The following ZNF682 variants were observed in gnomAD, a reference collection of about 807,000 sequenced individuals.
The protein encoded by ZNF682 is zinc finger protein 682.
In ZNF682, 29 loss-of-function variants were observed where a neutral mutation model predicts 36.5. That is an observed-to-expected ratio of 0.80 (90% confidence interval 0.59 to 1.08). The LOEUF (loss-of-function observed/expected upper bound fraction) is 1.08, where lower values mean the gene tolerates loss of function less well. Ranked by LOEUF, ZNF682 falls within the 50% of genes least tolerant of loss-of-function variation. ZNF682 has a pLI of 0.00. For missense variants in ZNF682, 561 were observed against 579.7 expected (o/e 0.97, Z 0.33); for synonymous variants, 180 against 197.0 (o/e 0.91, Z 0.72).
chr19:20,005,786 A>T lies in ZNF682; in HGVS notation c.*219T>A. ...GATGAGTAAGTTCATAGTAGTTATT[A>T]AATGCTTTGCCACATTCTTTAAAAT... On this transcript the variant is annotated 3_prime_UTR_variant, in exon 4 of 4. Transcript: ENST00000397165. 1.9e-6 allele frequency: 1 copy of T among 522,620 alleles called. No homozygotes were observed. The highest frequency in any genetic ancestry group is 3.1e-6 in the Non-Finnish European group (1 of 318,056). 32.4% of individuals were successfully genotyped at this position (522,620 alleles called of 1,614,324 possible).
intron 3 of ZNF682, among the ~76,000 whole-genome samples, chr19:19,998,672 CAT>C (rs1296995678): frequency 3.9e-5 from 6 of 152,110 alleles, no homozygotes; most frequent in African/African-American, 1.2e-4. Flanking sequence ...TAAACTCACT[CAT>C]GTGGAAATTG....
At chr19:20,031,664 C>T (rs567700914) in intron 1 of ZNF682, among the ~76,000 whole-genome samples, 3 of 152,198 alleles carry the variant, frequency 2.0e-5, no homozygotes, top group East Asian at 1.9e-4. Flanking sequence ...ATATGTCGGC[C>T]GGGCACGGTG....
chr19:20,024,429 A>G (rs763486438), intron 1 of ZNF682, 53 bp from the exon 2 acceptor site: 2 of 1,552,694 alleles, frequency 1.3e-6, no homozygotes, highest in Non-Finnish European at 1.7e-6. Flanking sequence ...AGAGTTCTTG[A>G]CTCCATGTGA....
chr19:20,010,664 A>G (rs1473902169), intron 3 of ZNF682, among the ~76,000 whole-genome samples: 4 of 151,996 alleles, frequency 2.6e-5, no homozygotes, highest in African/African-American at 7.3e-5. Flanking sequence ...CTCAAAAAAT[A>G]TATTAAAAAA....
Position 20,008,344 on chromosome 19 carries a change from G to A in ZNF682, c.227-1069C>T, listed in dbSNP as rs541567631. Among the ~76,000 whole-genome samples, 6 of 152,336 alleles carry A rather than the reference G, an allele frequency of 3.9e-5. No homozygotes were observed. The South Asian group carries it at 1.0e-3, about 26-fold the overall frequency. On this transcript the variant is annotated intron_variant, in intron 3 of 3. Coordinates refer to ENST00000397165, the MANE Select transcript of ZNF682 (RefSeq NM_033196.3). Reference sequence around the variant, plus strand: ...AGAACTCAGCAATTTCAATGCAGATGGCTTGGGACAAGCCTAGCCAATTCA... The same window carrying A: ...AGAACTCAGCAATTTCAATGCAGATAGCTTGGGACAAGCCTAGCCAATTCA...
chr19:19,999,195 A>T (rs1454194382), intron 3 of ZNF682, among the ~76,000 whole-genome samples: 3 of 152,206 alleles, frequency 2.0e-5, no homozygotes, highest in African/African-American at 7.2e-5. Flanking sequence ...TGAGAAATTA[A>T]GTTCTGTTGT....
At chr19:19,996,410 T>C (rs1345202424), downstream of ZNF682, among the ~76,000 whole-genome samples, 3 of 152,118 alleles carry the variant, frequency 2.0e-5, no homozygotes, top group Non-Finnish European at 4.4e-5. Flanking sequence ...CTATTTGCAA[T>C]TGCAAAAATA....
At position 20,022,988 on chromosome 19, in the gene ZNF682, C is replaced by A; in HGVS notation, c.226+16G>T. ...GAGCTTTCACCTGTGGCATGTGTTTCATTCATCCAACCTACCTGGGGGTTT... is the reference window on the plus strand; with the variant it reads ...GAGCTTTCACCTGTGGCATGTGTTTAATTCATCCAACCTACCTGGGGGTTT... On this transcript the variant is annotated intron_variant, in intron 3 of 3. Transcript: ENST00000397165. The A allele has an allele frequency of 3.7e-6, 6 of 1,609,632 alleles. No homozygotes were observed. Among genetic ancestry groups the A allele is most frequent in the Non-Finnish European group, 5.1e-6 (6 of 1,176,758 alleles).
In ZNF682 at chr19:20,004,633, C is replaced by A. The variant is rs1466072918; in HGVS notation, c.*1372G>T. 1.3e-5 allele frequency: 2 copies of A among 152,198 alleles called. No individual in the cohort carries two copies. The highest frequency in any genetic ancestry group is 4.8e-5 in the African/African-American group (2 of 41,452). The allele number at this position is 152,198 out of a possible 1,614,324, so 9.4% of individuals were successfully genotyped here. On this transcript the variant is annotated 3_prime_UTR_variant, in exon 4 of 4. Transcript: ENST00000397165. ...AGTTTCTCTGTGTACTTTCTTCACACACCTCATATTTCAGTGTCCTCAATC... is the reference window on the plus strand; with the variant it reads ...AGTTTCTCTGTGTACTTTCTTCACAAACCTCATATTTCAGTGTCCTCAATC...
intron 3 of ZNF682, among the ~76,000 whole-genome samples, chr19:20,010,424 C>G (rs1397735395): frequency 1.3e-5 from 2 of 152,190 alleles, no homozygotes; most frequent in Non-Finnish European, 2.9e-5. Context: ...CTTTGGGAGG[C>G]TGAGGCAGGT....
At chr19:20,022,646 C>T (rs941261166) in intron 3 of ZNF682, among the ~76,000 whole-genome samples, 3 of 151,582 alleles carry the variant, frequency 2.0e-5, no homozygotes, top group African/African-American at 7.3e-5. Context: ...CTGGGCAACA[C>T]GAGCGAAACT....
At chr19:20,010,489 G>A (rs1003981189) in intron 3 of ZNF682, among the ~76,000 whole-genome samples, 13 of 151,616 alleles carry the variant, frequency 8.6e-5, no homozygotes, top group Non-Finnish European at 1.3e-4. Flanking sequence ...GTGAAACCCC[G>A]TCTCTACTAA....
At chr19:20,034,815 G>C (rs1052573498) in intron 1 of ZNF682, among the ~76,000 whole-genome samples, 19 of 151,714 alleles carry the variant, frequency 1.3e-4, no homozygotes, top group Admixed American at 9.9e-4. Context: ...GAAAAAATAA[G>C]GTCAGGCCCG....
At chr19:20,030,602 A>G (rs2088471614) in intron 1 of ZNF682, 1 of 152,126 alleles carries the variant, frequency 6.6e-6, no homozygotes, top group South Asian at 2.1e-4. Context: ...TAACTATAAT[A>G]ACAACTCTTC....
Position 20,006,477 on chromosome 19 carries a change from T to C in ZNF682, c.1025A>G (p.Lys342Arg). 6.2e-7 allele frequency: 1 copy of C among 1,614,040 alleles called. No individual in the cohort carries two copies. Among genetic ancestry groups the C allele is most frequent in the Non-Finnish European group, 8.5e-7 (1 of 1,180,004 alleles). The change falls in exon 4 of 4, where the codon AAA becomes AGA. Residue 342 changes from lysine (K) to arginine (R), a missense_variant. By Grantham distance (26) the Lys-to-Arg change is conservative. Coordinates refer to ENST00000397165, the MANE Select transcript of ZNF682 (RefSeq NM_033196.3). ...AAAAGCTTTGCCACATTCTTCACAT[T>C]TATAGGGTTTCTCTCCCGTATGGGT... ...ERTHTGEKPY[K>R]CEECGKAFNS...
rs759969363 is a variant in ZNF682 at position 20,006,760 on chromosome 19, T to C, written c.742A>G (p.Lys248Glu). The change falls in exon 4 of 4, where the codon AAG (lysine) becomes GAG (glutamate). Residue 248 changes from lysine to glutamate, a missense_variant. Physicochemically the swap from Lys to Glu is moderately conservative, Grantham distance 56 (BLOSUM62 1). Coordinates refer to ENST00000397165, the MANE Select transcript of ZNF682 (RefSeq NM_033196.3). ...FNWCSSLTKHKRIHTGEKPYK... is the reference protein window; with the variant it reads ...FNWCSSLTKHERIHTGEKPYK... ...GGTTTCTCACCAGTATGGATTCTCT[T>C]ATGTTTAGTAAGACTCGAGCACCAG... 9 of 1,613,996 alleles carry C rather than the reference T, an allele frequency of 5.6e-6. No homozygotes were observed. The highest frequency in any genetic ancestry group is 5.9e-6 in the Non-Finnish European group (7 of 1,179,994).
downstream of ZNF682, among the ~76,000 whole-genome samples, chr19:19,995,773 A>AT (rs897624610): frequency 6.6e-6 from 1 of 151,956 alleles, no homozygotes; most frequent in Non-Finnish European, 1.5e-5. Flanking sequence ...AAAAAAAAAA[A>AT]GTGAAAAACA....
chr19:20,009,016 AAAAG>A (rs1379375076), intron 3 of ZNF682, among the ~76,000 whole-genome samples: 1 of 152,178 alleles, frequency 6.6e-6, no homozygotes, highest in Non-Finnish European at 1.5e-5. Flanking sequence ...CTCAAGGAAA[AAAAG>A]AAATAAAAAA....
chr19:20,033,135 T>C (rs897458532), intron 1 of ZNF682, among the ~76,000 whole-genome samples: 1 of 151,982 alleles, frequency 6.6e-6, no homozygotes, highest in Admixed American at 6.6e-5. Flanking sequence ...GGCGTTGTGG[T>C]GGGCACCTGT....
Sources: gnomAD v4.1 joint callset for allele counts (sites outside exome capture counted in the v4.1 genomes callset) on GRCh38, gnomAD v4.1.1 for gene constraint, MANE v1.5 for transcripts, NCBI Gene and HGNC (gene_info 2026-07-23, HGNC 2026-07-21) for gene names.